CTTNBP2: variants seen among roughly 807,000 people sequenced by gnomAD.
CTTNBP2 encodes cortactin-binding protein 2.
In CTTNBP2, 108 loss-of-function variants were observed where a neutral mutation model predicts 156.9. That is an observed-to-expected ratio of 0.69 (90% CI 0.59 to 0.81). The LOEUF (loss-of-function observed/expected upper bound fraction) is 0.81. Among genes scored for constraint, CTTNBP2 ranks in the 30% least tolerant of loss-of-function variants. The pLI is 0.00. For missense variants in CTTNBP2, 1,924 were observed against 2,035.4 expected (o/e 0.95, Z 1.05); for synonymous variants, 767 against 751.8 (o/e 1.02, Z -0.33).
chr7:117,872,619 G>C (rs1804691731), intron 1 of CTTNBP2, among the ~76,000 whole-genome samples: 1 of 152,310 alleles, frequency 6.6e-6, no homozygotes, highest in South Asian at 2.1e-4. Flanking sequence ...CAGAGAAGGA[G>C]AACAATGTCT....
intron 1 of CTTNBP2, chr7:117,872,367 CG>C (rs146044902): frequency 0.058 from 8,904 of 152,518 alleles, 417 homozygotes; most frequent in African/African-American, 0.13. Context: ...CATCCTTCGG[CG>C]GGAGCAGCCA....
chr7:117,847,386 C>T lies in CTTNBP2; in HGVS notation c.189+13823G>A, dbSNP rs148182951. Among the ~76,000 whole-genome samples the T allele has an allele frequency of 6.7e-3, 1,013 of 152,158 alleles. 17 individuals carry two copies. The highest frequency in any genetic ancestry group is 0.023 in the African/African-American group (973 of 41,504). ...CCCTGTCTCTACTAAAAATAGAAAA[C>T]TTAGCTGGGCGTGGAGGTACATGCC... On this transcript the variant is annotated intron_variant, in intron 2 of 22. Transcript: ENST00000160373.
intron 2 of CTTNBP2, among the ~76,000 whole-genome samples, chr7:117,846,043 G>C (rs570022582): frequency 1.1e-5 from 1 of 89,728 alleles, no homozygotes; most frequent in Non-Finnish European, 2.4e-5. Context: ...AGTAGAGACA[G>C]GGTTTCACAG....
At chr7:117,794,909 A>T (rs1799231446) in intron 3 of CTTNBP2, among the ~76,000 whole-genome samples, 2 of 91,086 alleles carry the variant, frequency 2.2e-5, no homozygotes, top group African/African-American at 1.1e-4. Context: ...TTTTTTTGAG[A>T]CGGAGTCTCG....
intron 16 of CTTNBP2, among the ~76,000 whole-genome samples, chr7:117,729,557 A>G (rs908484064): frequency 1.3e-5 from 2 of 152,356 alleles, no homozygotes; most frequent in South Asian, 4.1e-4. Flanking sequence ...TACTCATGAA[A>G]TACAGAGGAA....
rs547290295 is a variant in CTTNBP2, at chr7:117,735,414, C to G, written c.3543G>C (p.Leu1181=). 3.7e-6 allele frequency: 6 copies of G among 1,605,882 alleles called. 1 individual carries two copies. In the South Asian group the frequency reaches 6.8e-5, roughly 18 times the overall value. ...TACTGGGAGATTGTTTCACTGGGAT[C>G]AGACAAGCTATAATAAAAAAGGAAA... The part of the protein sequence containing the change: ...LLDLFISSAC[L]IPVKQSPSKK... Residue 1181 remains leucine, a synonymous_variant, in exon 15 of 23, where the codon CTG becomes CTC. Coordinates refer to ENST00000160373, the MANE Select transcript of CTTNBP2 (RefSeq NM_033427.3).
At chr7:117,822,783 C>T (rs1192930407) in intron 2 of CTTNBP2, among the ~76,000 whole-genome samples, 3 of 152,172 alleles carry the variant, frequency 2.0e-5, no homozygotes, top group Non-Finnish European at 2.9e-5. Flanking sequence ...TCAGTAAATG[C>T]ACCACATGCA....
At chr7:117,800,324 C>T (rs145971863) in intron 3 of CTTNBP2, among the ~76,000 whole-genome samples, 4 of 152,078 alleles carry the variant, frequency 2.6e-5, no homozygotes, top group African/African-American at 9.6e-5. Flanking sequence ...GAATAGTGCT[C>T]AGCAGTTTCC....
At chr7:117,761,233 G>T (rs921438246) in intron 9 of CTTNBP2, among the ~76,000 whole-genome samples, 2 of 152,178 alleles carry the variant, frequency 1.3e-5, no homozygotes, top group Non-Finnish European at 2.9e-5. Context: ...TCCATAAAAT[G>T]GAGGGAATGT....
intron 2 of CTTNBP2, among the ~76,000 whole-genome samples, chr7:117,813,121 T>A (rs1032776600): frequency 3.9e-5 from 6 of 152,140 alleles, no homozygotes; most frequent in African/African-American, 1.4e-4. Flanking sequence ...CTGGTTCAGG[T>A]GGTCAGCTAG....
At chr7:117,773,707 A>ACACACACACC (rs1234464093) in intron 8 of CTTNBP2, among the ~76,000 whole-genome samples, 11 of 129,058 alleles carry the variant, frequency 8.5e-5, no homozygotes, top group Admixed American at 2.5e-4. Flanking sequence ...ACACACACAC[A>ACACACACACC]CCCCAAAAAA....
At chr7:117,842,726 A>G (rs1043617168) in intron 2 of CTTNBP2, among the ~76,000 whole-genome samples, 1 of 151,980 alleles carries the variant, frequency 6.6e-6, no homozygotes, top group Non-Finnish European at 1.5e-5. Flanking sequence ...TGTATAACAC[A>G]AAAAAGACAA....
chr7:117,779,629 C>T (rs1427875480), intron 7 of CTTNBP2, among the ~76,000 whole-genome samples: 2 of 151,560 alleles, frequency 1.3e-5, no homozygotes, highest in African/African-American at 2.4e-5. Context: ...AAATATAAAA[C>T]TGTTTTCTCA....
At chr7:117,738,120 G>A (rs1030767738) in intron 14 of CTTNBP2, among the ~76,000 whole-genome samples, 2 of 152,178 alleles carry the variant, frequency 1.3e-5, no homozygotes, top group African/African-American at 4.8e-5. Context: ...TCTTCATCCT[G>A]AGCTGCAGGA....
At chr7:117,871,844 T>TCTCACACACACACA (rs145490307) in intron 1 of CTTNBP2, 1 of 298,196 alleles carries the variant, frequency 3.4e-6, no homozygotes, top group African/African-American at 3.3e-5. Flanking sequence ...TCCTTCCCCT[T>TCTCACACACACACA]CACACACACA....
At chr7:117,715,039 G>A (rs2116325488) in intron 22 of CTTNBP2, among the ~76,000 whole-genome samples, 1 of 152,260 alleles carries the variant, frequency 6.6e-6, no homozygotes, top group East Asian at 1.9e-4. Context: ...GTTTTATTTA[G>A]CCTTAAAGAA....
intron 2 of CTTNBP2, among the ~76,000 whole-genome samples, chr7:117,842,416 C>T (rs555920033): frequency 7.9e-5 from 12 of 151,906 alleles, no homozygotes; most frequent in Non-Finnish European, 1.2e-4. Context: ...TTGGCCAGGC[C>T]GGTCTTGAAC....
At chr7:117,864,104 G>A (rs189767723) in intron 1 of CTTNBP2, among the ~76,000 whole-genome samples, 1 of 152,138 alleles carries the variant, frequency 6.6e-6, no homozygotes, top group Non-Finnish European at 1.5e-5. Flanking sequence ...AGAGTCAGGA[G>A]AGCCTGCCCT....
intron 5 of CTTNBP2, 119 bp from the exon 6 acceptor site, chr7:117,783,080 TC>T: frequency 1.6e-6 from 1 of 644,116 alleles, no homozygotes; most frequent in East Asian, 2.7e-5. Flanking sequence ...ACAGTTCATC[TC>T]AGAATTCCAT....
Sources: allele counts gnomAD v4.1 joint callset (sites outside exome capture counted in the v4.1 genomes callset), GRCh38; gene constraint gnomAD v4.1.1; transcripts MANE v1.5; gene names NCBI Gene and HGNC (gene_info 2026-07-23, HGNC 2026-07-21).